CTNND2: variants seen among roughly 807,000 people sequenced by gnomAD.
CTNND2 encodes the protein catenin delta-2.
Under a neutral mutation model 144.4 loss-of-function variants are expected in CTNND2, and 22 were observed. That is an observed-to-expected ratio of 0.15 (90% CI 0.11 to 0.22). The LOEUF is 0.22. Among genes scored for constraint, CTNND2 ranks in the 10% least tolerant of loss-of-function variants. CTNND2 has a pLI of 1.00. For synonymous variants in CTNND2, 751 were observed against 695.6 expected, an observed-to-expected ratio of 1.08 and a Z score of -1.25; for missense variants, 1,353 against 1,618.8, an observed-to-expected ratio of 0.84 and a Z score of 2.82.
Position 10,973,062 on chromosome 5 carries a change from G to C in CTNND2, c.*391C>G, listed in dbSNP as rs998146832. 1 of 161,610 alleles carries C rather than the reference G, an allele frequency of 6.2e-6. No individual in the cohort carries two copies. The highest frequency in any genetic ancestry group is 1.3e-5 in the Non-Finnish European group (1 of 74,274). 10.0% of individuals were successfully genotyped at this position (161,610 alleles called of 1,614,324 possible). A position where few individuals can be genotyped will look rare whatever the true frequency, so the allele number is the denominator to read the frequency against. The stretch of plus-strand genomic sequence containing the variant: ...AACGGATGAAGAGAGTAAACAAAGC[G>C]TGAGAAGCCGTCCCCCACACAGTGT... On this transcript the variant is annotated 3_prime_UTR_variant, in exon 22 of 22. Transcript: ENST00000304623. The surrounding 1 kb of genome is among the most constrained non-coding windows in gnomAD (Gnocchi z 5.6).
intron 1 of CTNND2, among the ~76,000 whole-genome samples, chr5:11,739,257 T>C: frequency 1.3e-5 from 2 of 152,112 alleles, no homozygotes; most frequent in East Asian, 3.9e-4. Context: ...TCTTGAGATG[T>C]GGTCAGATTA....
chr5:11,734,768 A>C (rs1208284281), intron 1 of CTNND2, among the ~76,000 whole-genome samples: 2 of 152,204 alleles, frequency 1.3e-5, no homozygotes, highest in Admixed American at 6.6e-5. Context: ...TCTAGTTAAT[A>C]ATTTAGAGAT....
intron 11 of CTNND2, among the ~76,000 whole-genome samples, chr5:11,166,439 C>A (rs1050683008): frequency 1.1e-4 from 17 of 151,516 alleles, no homozygotes; most frequent in Non-Finnish European, 1.5e-4. Flanking sequence ...TTAGTAGAGA[C>A]GGGGTTTCAC....
At chr5:11,009,333 C>T (rs1236534844) in intron 18 of CTNND2, among the ~76,000 whole-genome samples, 1 of 152,198 alleles carries the variant, frequency 6.6e-6, no homozygotes, top group Non-Finnish European at 1.5e-5. Context: ...CCTTGAGTCT[C>T]CTTTCCCACT....
intron 3 of CTNND2, among the ~76,000 whole-genome samples, chr5:11,501,853 C>A (rs1770555712): frequency 6.6e-6 from 1 of 151,256 alleles, no homozygotes; most frequent in Admixed American, 6.6e-5. Context: ...ATGGTGAAAT[C>A]CTGTCTCTAC....
At chr5:11,773,670 T>C (rs1244139061) in intron 1 of CTNND2, among the ~76,000 whole-genome samples, 1 of 151,572 alleles carries the variant, frequency 6.6e-6, no homozygotes, top group African/African-American at 2.4e-5. Flanking sequence ...ATCAGCCGGG[T>C]GTGGTGGTGC....
intron 3 of CTNND2, among the ~76,000 whole-genome samples, chr5:11,529,802 G>A (rs1471329930): frequency 6.6e-6 from 1 of 151,982 alleles, no homozygotes; most frequent in African/African-American, 2.4e-5. Flanking sequence ...TAAAATCATG[G>A]ATTTGAGAGA....
intron 2 of CTNND2, among the ~76,000 whole-genome samples, chr5:11,697,564 T>C (rs1166425313): frequency 2.0e-5 from 3 of 152,204 alleles, no homozygotes; most frequent in Admixed American, 2.0e-4. Flanking sequence ...CCCAAGGGCA[T>C]GGCATACATC....
At chr5:11,762,145 C>T (rs893388797) in intron 1 of CTNND2, among the ~76,000 whole-genome samples, 4 of 152,080 alleles carry the variant, frequency 2.6e-5, no homozygotes, top group Admixed American at 1.3e-4. Context: ...ATTCTAGAGT[C>T]CCCTACAAAA....
Position 11,716,290 on chromosome 5 carries a change from CTTAA to C in CTNND2, c.174+15842_174+15845del, listed in dbSNP as rs142231893. On this transcript the variant is annotated intron_variant, in intron 2 of 21. Coordinates refer to ENST00000304623, the MANE Select transcript of CTNND2 (RefSeq NM_001332.4). ...AGAAGAGTAGCAATTTAGTTATACA[CTTAA>C]TTAAATAGTTTAAATAATAAAATAA... Among the ~76,000 whole-genome samples, 418 of 152,230 alleles carry C rather than the reference CTTAA, an allele frequency of 2.7e-3. 2 individuals are homozygous for C. The highest frequency in any genetic ancestry group is 9.5e-3 in the African/African-American group (395 of 41,538).
At chr5:11,412,161 T>C in intron 3 of CTNND2, 92 bp from the exon 4 acceptor site, 1 of 905,618 alleles carries the variant, frequency 1.1e-6, no homozygotes. Context: ...ATTAGGGTAG[T>C]AACAGTGGCC....
Position 11,658,518 on chromosome 5 carries a change from T to C in CTNND2, c.174+73618A>G, listed in dbSNP as rs565746170. 2.6e-5 allele frequency among the ~76,000 whole-genome samples: 4 copies of C among 152,264 alleles called. 1 individual carries two copies. Among genetic ancestry groups the C allele is most frequent in the East Asian group, 1.9e-4 (1 of 5,178 alleles). ...ACCAAGGAATAAACAGAATCCATTA[T>C]GGGAAAGCTCTTATTTCCTGGCTTC... On this transcript the variant is annotated intron_variant, in intron 2 of 21. Transcript: ENST00000304623.
At chr5:11,096,357 C>T (rs1411401612) in intron 15 of CTNND2, among the ~76,000 whole-genome samples, 2 of 152,068 alleles carry the variant, frequency 1.3e-5, no homozygotes, top group Non-Finnish European at 2.9e-5. Context: ...ATGTTCTCCT[C>T]CCTGTTTCCA....
chr5:11,016,065 T>C (rs1256803539), intron 18 of CTNND2, among the ~76,000 whole-genome samples: 3 of 152,214 alleles, frequency 2.0e-5, no homozygotes, highest in Non-Finnish European at 2.9e-5. Flanking sequence ...AATATGCAGA[T>C]TTTTTTCAAC....
intron 3 of CTNND2, among the ~76,000 whole-genome samples, chr5:11,503,919 C>T (rs1256272516): frequency 1.3e-5 from 2 of 152,118 alleles, no homozygotes; most frequent in Admixed American, 6.5e-5. Flanking sequence ...GGAGAATGAG[C>T]CATTCAGAAT....
At chr5:11,338,026 G>GATCC (rs576984314) in intron 9 of CTNND2, among the ~76,000 whole-genome samples, 43 of 152,258 alleles carry the variant, frequency 2.8e-4, no homozygotes, top group African/African-American at 9.6e-4. Context: ...AAATATGATG[G>GATCC]ATCCACTTGT....
At chr5:11,280,774 C>G (rs1450309423) in intron 9 of CTNND2, among the ~76,000 whole-genome samples, 1 of 152,084 alleles carries the variant, frequency 6.6e-6, no homozygotes, top group East Asian at 1.9e-4. Flanking sequence ...GTCCTGTGGG[C>G]CTCTTCCTTC....
rs191444335 is a variant in CTNND2, at chr5:11,693,964, G to T, written c.174+38172C>A. 1.9e-4 allele frequency among the ~76,000 whole-genome samples: 29 copies of T among 152,174 alleles called. No individual in the cohort carries two copies. In the East Asian group the frequency reaches 5.6e-3, roughly 29 times the overall value. On this transcript the variant is annotated intron_variant, in intron 2 of 21. Coordinates refer to ENST00000304623, the MANE Select transcript of CTNND2 (RefSeq NM_001332.4). ...AGCTATCTTATTTTTATATATTGTT[G>T]ATTCATGAATATTTAATTCATGGCC...
intron 1 of CTNND2, among the ~76,000 whole-genome samples, chr5:11,829,878 G>T (rs1285352742): frequency 6.6e-6 from 1 of 152,232 alleles, no homozygotes; most frequent in African/African-American, 2.4e-5. Flanking sequence ...AAGCAGCCAG[G>T]AGGGAGGCTG....
Sources: allele counts gnomAD v4.1 joint callset (sites outside exome capture counted in the v4.1 genomes callset), GRCh38; gene constraint gnomAD v4.1.1; non-coding constraint Gnocchi (gnomAD v3.1); transcripts MANE v1.5; gene names NCBI Gene and HGNC (gene_info 2026-07-23, HGNC 2026-07-21).